RBFOX1: variants seen among roughly 807,000 people sequenced by gnomAD.
RBFOX1 encodes RNA binding fox-1 homolog 1, also known as RNA binding protein fox-1 homolog 1.
Under a neutral mutation model 57.7 loss-of-function variants are expected in RBFOX1, and 8 were observed. That is an observed-to-expected ratio of 0.14 (90% CI 0.08 to 0.25). The LOEUF is 0.25. Ranked by LOEUF, RBFOX1 falls within the 10% of genes least tolerant of loss-of-function variation. RBFOX1 has a pLI of 1.00. For synonymous variants in RBFOX1, 326 were observed against 222.4 expected, an observed-to-expected ratio of 1.47 and a Z score of -4.15; for missense variants, 611 against 548.5, an observed-to-expected ratio of 1.11 and a Z score of -1.14.
chr16:5,974,372 G>A (rs1003992892), intron 4 of RBFOX1, among the ~76,000 whole-genome samples: 1 of 152,168 alleles, frequency 6.6e-6, no homozygotes, highest in Non-Finnish European at 1.5e-5. Flanking sequence ...ACGTTGGGAG[G>A]CCGAGGCGGG....
At chr16:7,233,013 G>A (rs8051142) in intron 4 of RBFOX1, among the ~76,000 whole-genome samples, 101,488 of 151,964 alleles carry the variant, frequency 0.67, 35,547 homozygotes, top group East Asian at 0.96. Context: ...TTCCTGGACT[G>A]CTAAAATAGG....
chr16:6,634,841 TTATA>T (rs1469146293), intron 2 of RBFOX1, among the ~76,000 whole-genome samples: 1 of 139,832 alleles, frequency 7.2e-6, no homozygotes, highest in African/African-American at 2.6e-5. Context: ...TATATTTGTA[TTATA>T]TATAATACTT....
intron 3 of RBFOX1, among the ~76,000 whole-genome samples, chr16:6,771,122 A>C (rs1301537505): frequency 1.3e-5 from 2 of 152,260 alleles, no homozygotes; most frequent in East Asian, 3.9e-4. Flanking sequence ...ACCCAGACAC[A>C]CAGAGAGAAT....
At chr16:6,801,924 T>TGGA (rs1424566107) in intron 3 of RBFOX1, among the ~76,000 whole-genome samples, 4 of 152,264 alleles carry the variant, frequency 2.6e-5, no homozygotes, top group South Asian at 4.2e-4. Context: ...GACCTTCATC[T>TGGA]GGACCTTCAG....
intron 4 of RBFOX1, among the ~76,000 whole-genome samples, chr16:7,292,678 A>G (rs886083404): frequency 1.5e-4 from 23 of 151,868 alleles, no homozygotes; most frequent in African/African-American, 3.9e-4. Flanking sequence ...TAAGAACGCT[A>G]CAATACATGT....
intron 4 of RBFOX1, among the ~76,000 whole-genome samples, chr16:7,181,856 C>T (rs530166387): frequency 3.4e-4 from 51 of 152,220 alleles, no homozygotes; most frequent in South Asian, 2.7e-3. Context: ...ACACCATACC[C>T]GGGCCCCAGA....
intron 1 of RBFOX1, among the ~76,000 whole-genome samples, chr16:6,027,470 C>G (rs2095218181): frequency 6.6e-6 from 1 of 152,156 alleles, no homozygotes; most frequent in Admixed American, 6.5e-5. Context: ...CTTGAGATCC[C>G]AGCTCCATCA....
Position 5,836,932 on chromosome 16 carries a change from T to C in RBFOX1, c.319-30371T>C, listed in dbSNP as rs76923737. ...TTTCCTGGTCTCCAACCTCACTTCTTCCAATGCATCCTCCACACTGAAGCT... is the reference window on the plus strand; with the variant it reads ...TTTCCTGGTCTCCAACCTCACTTCTCCCAATGCATCCTCCACACTGAAGCT... On this transcript the variant is annotated intron_variant, in intron 3 of 19. Transcript: ENST00000641259. 1.7e-3 allele frequency among the ~76,000 whole-genome samples: 261 copies of C among 152,240 alleles called. 1 individual carries two copies. The highest frequency in any genetic ancestry group is 6.0e-3 in the African/African-American group (249 of 41,560).
At chr16:6,673,314 G>A (rs963514943) in intron 3 of RBFOX1, among the ~76,000 whole-genome samples, 11 of 152,196 alleles carry the variant, frequency 7.2e-5, no homozygotes, top group South Asian at 2.1e-4. Flanking sequence ...GAGGCCAGGC[G>A]TGGTGGCTCA....
At chr16:6,799,742 A>C (rs1006496175) in intron 3 of RBFOX1, among the ~76,000 whole-genome samples, 1 of 152,060 alleles carries the variant, frequency 6.6e-6, no homozygotes, top group Non-Finnish European at 1.5e-5. Flanking sequence ...CTTGCCCTTG[A>C]CCATCAGCCT....
At chr16:6,602,465 C>G (rs916078558) in intron 2 of RBFOX1, among the ~76,000 whole-genome samples, 7 of 152,096 alleles carry the variant, frequency 4.6e-5, no homozygotes, top group Admixed American at 3.9e-4. Context: ...TCTCATGACT[C>G]CAGCTGGAAG....
chr16:6,732,308 C>T (rs142865361), intron 3 of RBFOX1, among the ~76,000 whole-genome samples: 37 of 152,188 alleles, frequency 2.4e-4, no homozygotes, highest in African/African-American at 8.0e-4. Flanking sequence ...TTCACCGTCT[C>T]GGCCCCAGGC....
intron 4 of RBFOX1, among the ~76,000 whole-genome samples, chr16:7,481,107 C>G (rs980582877): frequency 1.3e-5 from 2 of 152,164 alleles, no homozygotes; most frequent in African/African-American, 2.4e-5. Flanking sequence ...TGCCCTCCAT[C>G]TCTGAGCCTA....
chr16:5,886,322 A>C (rs542940082), intron 4 of RBFOX1, among the ~76,000 whole-genome samples: 17 of 152,350 alleles, frequency 1.1e-4, no homozygotes, highest in African/African-American at 3.8e-4. Context: ...TATGAGGATT[A>C]AATAAATTAA....
intron 5 of RBFOX1, among the ~76,000 whole-genome samples, chr16:7,554,736 G>A (rs894845517): frequency 1.3e-5 from 2 of 151,606 alleles, no homozygotes; most frequent in South Asian, 2.1e-4. Context: ...TATGAGTGCT[G>A]TGCACTCTTT....
At chr16:7,705,644 G>C (rs2082193686) in intron 14 of RBFOX1, among the ~76,000 whole-genome samples, 1 of 152,210 alleles carries the variant, frequency 6.6e-6, no homozygotes, top group Non-Finnish European at 1.5e-5. Context: ...CTATTGAAGG[G>C]TTTTAAGCGG....
chr16:5,841,967 G>T (rs1223198101), intron 3 of RBFOX1, among the ~76,000 whole-genome samples: 1 of 152,212 alleles, frequency 6.6e-6, no homozygotes, highest in East Asian at 1.9e-4. Context: ...CTGGTGGGCT[G>T]CCATCCTCGC....
At chr16:6,249,133 G>A (rs763388226) in intron 1 of RBFOX1, among the ~76,000 whole-genome samples, 2 of 152,080 alleles carry the variant, frequency 1.3e-5, no homozygotes, top group Non-Finnish European at 2.9e-5. Flanking sequence ...ACTCAAGATC[G>A]TTAAGAAAGA....
intron 1 of RBFOX1, among the ~76,000 whole-genome samples, chr16:6,183,727 C>T (rs769023542): frequency 2.6e-5 from 4 of 152,032 alleles, no homozygotes; most frequent in African/African-American, 4.8e-5. Flanking sequence ...TTGTCATATC[C>T]ACAGCAAGGA....
Sources: allele counts gnomAD v4.1 joint callset (sites outside exome capture counted in the v4.1 genomes callset), GRCh38; gene constraint gnomAD v4.1.1; transcripts MANE v1.5; gene names NCBI Gene and HGNC (gene_info 2026-07-23, HGNC 2026-07-21).